PRKG1: variants seen among roughly 807,000 people sequenced by gnomAD.
PRKG1 encodes cGMP-dependent protein kinase 1.
In PRKG1, 35 loss-of-function variants were observed where a neutral mutation model predicts 88.1. The observed-to-expected ratio is 0.40, with a 90% confidence interval of 0.30 to 0.53. The LOEUF (loss-of-function observed/expected upper bound fraction) is 0.53, where lower values mean the gene tolerates loss of function less well. Among genes scored for constraint, PRKG1 ranks in the 20% least tolerant of loss-of-function variants. The probability of loss-of-function intolerance (pLI) is 0.59; values close to 1 mark genes in which losing one functional copy is unlikely to be tolerated. For missense variants in PRKG1, 540 were observed against 839.8 expected (o/e 0.64, Z 4.41); for synonymous variants, 303 against 292.5 (o/e 1.04, Z -0.37).
intron 7 of PRKG1, among the ~76,000 whole-genome samples, chr10:52,125,058 C>T (rs953978934): frequency 6.6e-6 from 1 of 152,060 alleles, no homozygotes; most frequent in Non-Finnish European, 1.5e-5. Flanking sequence ...TAGGAGTACA[C>T]TCTAAAATAA....
chr10:51,828,478 G>A (rs565553609), intron 4 of PRKG1, among the ~76,000 whole-genome samples: 5 of 152,186 alleles, frequency 3.3e-5, no homozygotes, highest in South Asian at 2.1e-4. Context: ...TTGCAAAGGG[G>A]GAGAGAAGGG....
intron 5 of PRKG1, among the ~76,000 whole-genome samples, chr10:52,039,125 G>T (rs12246801): frequency 1.3e-5 from 2 of 152,002 alleles, no homozygotes; most frequent in Non-Finnish European, 2.9e-5. Context: ...ATGCACGTCC[G>T]TGTGAAGAGA....
intron 2 of PRKG1, among the ~76,000 whole-genome samples, chr10:51,335,280 A>G (rs192592400): frequency 9.2e-5 from 14 of 152,188 alleles, no homozygotes; most frequent in Admixed American, 3.9e-4. Flanking sequence ...ATTTTAGTTT[A>G]TCAATGTTCT....
At chr10:52,150,988 C>A (rs1837897438) in intron 8 of PRKG1, among the ~76,000 whole-genome samples, 1 of 147,762 alleles carries the variant, frequency 6.8e-6, no homozygotes, top group Non-Finnish European at 1.5e-5. Flanking sequence ...TAAATATGGC[C>A]TATTTGTTTT....
intron 9 of PRKG1, among the ~76,000 whole-genome samples, chr10:52,246,194 C>A (rs1316437631): frequency 6.6e-6 from 1 of 152,088 alleles, no homozygotes; most frequent in Non-Finnish European, 1.5e-5. Flanking sequence ...AAGGGTATTA[C>A]ATCAAGAATG....
intron 4 of PRKG1, among the ~76,000 whole-genome samples, chr10:51,881,750 A>G: frequency 6.6e-6 from 1 of 152,174 alleles, no homozygotes; most frequent in East Asian, 1.9e-4. Context: ...ATAATTTTAA[A>G]CATTTTGGAC....
chr10:51,967,438 A>G (rs944407416), intron 5 of PRKG1, among the ~76,000 whole-genome samples: 2 of 152,158 alleles, frequency 1.3e-5, no homozygotes, highest in Non-Finnish European at 2.9e-5. Context: ...GAGGGATAGC[A>G]TTAGGAGATA....
intron 7 of PRKG1, among the ~76,000 whole-genome samples, chr10:52,066,076 G>A (rs1017681457): frequency 2.0e-5 from 3 of 152,038 alleles, no homozygotes; most frequent in African/African-American, 7.2e-5. Context: ...TATGGAACCT[G>A]GTTTTATTAG....
intron 5 of PRKG1, among the ~76,000 whole-genome samples, chr10:51,919,183 G>C (rs972689731): frequency 3.9e-5 from 6 of 152,180 alleles, no homozygotes; most frequent in African/African-American, 1.4e-4. Context: ...GAATCATGCA[G>C]TTCCTTAGGC....
In PRKG1 at chr10:51,025,277, G is replaced by A. The variant is rs370187298; in HGVS notation, c.266+33633G>A. The stretch of plus-strand genomic sequence containing the variant: ...GCTTTATCCTCTATCAGGCTTGACA[G>A]TTGCATTGAGAAAGCGCGGTATGTG... On this transcript the variant is annotated intron_variant, in intron 1 of 17. Transcript: ENST00000401604. Among the ~76,000 whole-genome samples the A allele has an allele frequency of 4.1e-4, 62 of 152,230 alleles. 3 individuals are homozygous for A. In the South Asian group the frequency reaches 0.012, roughly 29 times the overall value.
chr10:51,546,054 GTA>G (rs1371253656), intron 3 of PRKG1, among the ~76,000 whole-genome samples: 3 of 74,944 alleles, frequency 4.0e-5, no homozygotes, highest in Admixed American at 1.5e-4. Flanking sequence ...TGATCTACAG[GTA>G]TTTTTTTTTT....
At chr10:51,866,852 G>C (rs1841027161) in intron 4 of PRKG1, among the ~76,000 whole-genome samples, 1 of 152,062 alleles carries the variant, frequency 6.6e-6, no homozygotes, top group African/African-American at 2.4e-5. Context: ...CTTTGATACA[G>C]GTTTACAAAG....
intron 8 of PRKG1, among the ~76,000 whole-genome samples, chr10:52,145,791 A>C (rs1837713707): frequency 6.6e-6 from 1 of 152,134 alleles, no homozygotes. Context: ...TCTTTTCAAT[A>C]TGTCTAGCAG....
At chr10:52,076,288 G>A (rs537046835) in intron 7 of PRKG1, among the ~76,000 whole-genome samples, 1 of 152,242 alleles carries the variant, frequency 6.6e-6, no homozygotes, top group Non-Finnish European at 1.5e-5. Flanking sequence ...CGGGCCCAGT[G>A]GCTCACGCCC....
chr10:51,577,497 T>C (rs189585636), intron 3 of PRKG1, among the ~76,000 whole-genome samples: 94 of 152,170 alleles, frequency 6.2e-4, no homozygotes, highest in African/African-American at 2.2e-3. Flanking sequence ...GGTATTCCTA[T>C]CGAAATGCTG....
At position 51,728,453 on chromosome 10, in the gene PRKG1, G is replaced by GTTTT. The variant is rs56975031; in HGVS notation, c.593-76108_593-76105dup. 7.3e-3 allele frequency among the ~76,000 whole-genome samples: 430 copies of GTTTT among 58,726 alleles called. 23 individuals carry two copies. Among genetic ancestry groups the GTTTT allele is most frequent in the African/African-American group, 0.026 (417 of 16,080 alleles). 38.5% of individuals were successfully genotyped at this position (58,726 alleles called of 152,430 possible). A position where few individuals can be genotyped will look rare whatever the true frequency, so the allele number is the denominator to read the frequency against. On this transcript the variant is annotated intron_variant, in intron 3 of 17. Transcript: ENST00000373980. ...AATAGCAAAATTCCATTTTTTCTTTGTTTTTTTTTTTTTTTTTTTTTTTTT... is the reference window on the plus strand; with the variant it reads ...AATAGCAAAATTCCATTTTTTCTTTGTTTTTTTTTTTTTTTTTTTTTTTTTTTTT...
chr10:51,212,633 AACCCC>A (rs1304956942), intron 2 of PRKG1, among the ~76,000 whole-genome samples: 1 of 152,212 alleles, frequency 6.6e-6, no homozygotes, highest in Non-Finnish European at 1.5e-5. Flanking sequence ...AAAAACAAAC[AACCCC>A]ATCAAAAAGT....
chr10:51,229,916 G>A (rs1357796550), intron 2 of PRKG1, among the ~76,000 whole-genome samples: 23 of 124,762 alleles, frequency 1.8e-4, no homozygotes, highest in Non-Finnish European at 6.3e-5. Flanking sequence ...GTTACAGGGT[G>A]AGGCGATCTC....
At chr10:52,246,876 C>CAAAAAAAAA (rs756775020) in intron 9 of PRKG1, among the ~76,000 whole-genome samples, 1 of 57,222 alleles carries the variant, frequency 1.7e-5, no homozygotes, top group Admixed American at 2.4e-4. Context: ...AACACAGTCT[C>CAAAAAAAAA]AAAAAAAAAA....
Sources: allele counts gnomAD v4.1 joint callset (sites outside exome capture counted in the v4.1 genomes callset), GRCh38; gene constraint gnomAD v4.1.1; transcripts MANE v1.5; gene names NCBI Gene and HGNC (gene_info 2026-07-23, HGNC 2026-07-21).